The following ARHGEF6 variants were observed in gnomAD, a reference collection of about 807,000 sequenced individuals.
The protein encoded by ARHGEF6 is rho guanine nucleotide exchange factor 6.
A neutral mutation model predicts 70.3 loss-of-function variants in ARHGEF6; 9 were observed. The ratio of observed to expected loss-of-function variants is 0.13; its 90% CI spans 0.08 to 0.22. ARHGEF6 has a LOEUF of 0.22. Ranked by LOEUF, ARHGEF6 falls within the 10% of genes least tolerant of loss-of-function variation. The pLI is 1.00. For missense variants in ARHGEF6, 470 were observed against 563.0 expected, an observed-to-expected ratio of 0.83 and a Z score of 1.67; for synonymous variants, 201 against 207.8, an observed-to-expected ratio of 0.97 and a Z score of 0.28.
chrX:136,714,264 T>G (rs1462822126), intron 6 of ARHGEF6, among the ~76,000 whole-genome samples: 1 of 111,817 alleles, frequency 8.9e-6, no homozygotes, highest in Non-Finnish European at 1.9e-5. Flanking sequence ...CCTCTTCTAG[T>G]GACAGGTAAA....
intron 17 of ARHGEF6, 87 bp downstream of exon 17, chrX:136,677,849 C>A (rs1282100991): frequency 1.2e-6 from 1 of 813,190 alleles, no homozygotes; most frequent in Non-Finnish European, 1.8e-6. Context: ...AGGGACAAAA[C>A]AAGCATAAGG....
intron 6 of ARHGEF6, among the ~76,000 whole-genome samples, chrX:136,731,411 G>A (rs2076934425): frequency 8.9e-6 from 1 of 111,789 alleles, no homozygotes; most frequent in South Asian, 3.7e-4. Flanking sequence ...TACCAGACAG[G>A]GAAACTTAGA....
chrX:136,729,537 G>T lies in ARHGEF6; in HGVS notation c.732+2565C>A, dbSNP rs75001904. On this transcript the variant is annotated intron_variant, in intron 6 of 21. Coordinates refer to ENST00000250617, the MANE Select transcript of ARHGEF6 (RefSeq NM_004840.3). ...CAAGTATTATTGGGGTATAGGGATA[G>T]AAAATCTTTATGGGCCAGGCACAGT... 8.2e-3 allele frequency among the ~76,000 whole-genome samples: 796 copies of T among 97,648 alleles called. 17 individuals are homozygous for T. In the East Asian group the frequency reaches 0.094, roughly 12 times the overall value. 84.8% of individuals were successfully genotyped at this position (97,648 alleles called of 115,157 possible).
intron 2 of ARHGEF6, among the ~76,000 whole-genome samples, chrX:136,758,449 T>C (rs773871732): frequency 5.4e-5 from 6 of 110,855 alleles, no homozygotes; most frequent in Non-Finnish European, 9.4e-5. Flanking sequence ...GAGATCACTT[T>C]GGAGAAAATC....
intron 5 of ARHGEF6, 89 bp downstream of exon 5, chrX:136,743,496 T>C (rs2077065635): frequency 1.0e-6 from 1 of 958,617 alleles, no homozygotes; most frequent in Non-Finnish European, 1.5e-6. Context: ...ACAGCTTCTG[T>C]TAACCAATTA....
chrX:136,764,597 G>A (rs865866105), intron 2 of ARHGEF6, among the ~76,000 whole-genome samples: 8 of 111,027 alleles, frequency 7.2e-5, no homozygotes, highest in Non-Finnish European at 1.1e-4. Context: ...TATCTACTAC[G>A]ATAGTGGTGG....
intron 5 of ARHGEF6, among the ~76,000 whole-genome samples, chrX:136,740,594 A>G (rs1707078594): frequency 9.0e-6 from 1 of 111,137 alleles, no homozygotes; most frequent in Non-Finnish European, 1.9e-5. Flanking sequence ...TGAGTCCTAA[A>G]CCAGAGAGAA....
At chrX:136,711,777 T>C (rs2148621079) in intron 7 of ARHGEF6, among the ~76,000 whole-genome samples, 1 of 111,746 alleles carries the variant, frequency 8.9e-6, no homozygotes, top group Non-Finnish European at 1.9e-5. Context: ...CCCAGATTGG[T>C]CTTGAACTCC....
In ARHGEF6 at chrX:136,679,523, T is replaced by A; in HGVS notation, c.1830+12A>T. The A allele has an allele frequency of 8.3e-7, 1 of 1,210,550 alleles. No homozygotes were observed. ...TGTCAGAAGCATTTTATACCATAGGTAGCAAAATTACCTCTTTATAACCTA... is the reference window on the plus strand; with the variant it reads ...TGTCAGAAGCATTTTATACCATAGGAAGCAAAATTACCTCTTTATAACCTA... On this transcript the variant is annotated intron_variant, in intron 16 of 21. Transcript: ENST00000250617.
chrX:136,749,974 A>C (rs184481272), intron 2 of ARHGEF6, among the ~76,000 whole-genome samples: 11 of 112,185 alleles, frequency 9.8e-5, no homozygotes, highest in Admixed American at 9.4e-4. Flanking sequence ...CACTTCAGAG[A>C]GCTCCCCTAT....
At chrX:136,679,985 C>G (rs781004511) in intron 15 of ARHGEF6, among the ~76,000 whole-genome samples, 1 of 112,139 alleles carries the variant, frequency 8.9e-6, no homozygotes, top group Admixed American at 9.4e-5. Context: ...ATATGTTTGG[C>G]ACTCTAGTAG....
chrX:136,708,637 T>C, intron 8 of ARHGEF6, 38 bp downstream of exon 8: 2 of 1,102,899 alleles, frequency 1.8e-6, no homozygotes, highest in Non-Finnish European at 2.5e-6. Context: ...CAAACAGCAA[T>C]GTTGCTGGCT....
intron 16 of ARHGEF6, among the ~76,000 whole-genome samples, 188 bp downstream of exon 16, chrX:136,679,347 C>G (rs889765651): frequency 1.8e-5 from 2 of 112,184 alleles, no homozygotes; most frequent in Non-Finnish European, 3.8e-5. Flanking sequence ...ATATTCAGTA[C>G]ATATTTGCAG....
chrX:136,685,450 A>G (rs1168413668), intron 12 of ARHGEF6, among the ~76,000 whole-genome samples: 2 of 110,455 alleles, frequency 1.8e-5, no homozygotes, highest in African/African-American at 6.6e-5. Context: ...TTCTGATTTG[A>G]ATGTTGTAGC....
At chrX:136,713,206 A>G in intron 7 of ARHGEF6, 70 bp downstream of exon 7, 1 of 876,197 alleles carries the variant, frequency 1.1e-6, no homozygotes, top group Non-Finnish European at 1.7e-6. Flanking sequence ...TCAGTGACAT[A>G]AGAATAATGA....
intron 6 of ARHGEF6, among the ~76,000 whole-genome samples, chrX:136,729,658 T>C (rs374397404): frequency 1.9e-5 from 2 of 106,906 alleles, no homozygotes; most frequent in South Asian, 8.4e-4. Flanking sequence ...AGTGAAACCC[T>C]GCCTCTACTA....
chrX:136,689,381 T>C (rs1328916936), intron 10 of ARHGEF6, among the ~76,000 whole-genome samples: 1 of 112,237 alleles, frequency 8.9e-6, no homozygotes, highest in Non-Finnish European at 1.9e-5. Context: ...CAGGAGCATC[T>C]GGGATTTGTT....
At chrX:136,697,032 C>T (rs748195466) in intron 9 of ARHGEF6, among the ~76,000 whole-genome samples, 2 of 110,936 alleles carry the variant, frequency 1.8e-5, no homozygotes, top group Non-Finnish European at 3.8e-5. Context: ...ATCACCCTCA[C>T]CCCAGCCCAA....
chrX:136,683,263 C>G (rs1249013373), intron 12 of ARHGEF6, among the ~76,000 whole-genome samples: 1 of 111,883 alleles, frequency 8.9e-6, no homozygotes, highest in Non-Finnish European at 1.9e-5. Flanking sequence ...TTAGTATGCT[C>G]TAACATGTTT....
Sources: allele counts gnomAD v4.1 joint callset (sites outside exome capture counted in the v4.1 genomes callset), GRCh38; gene constraint gnomAD v4.1.1; transcripts MANE v1.5; gene names NCBI Gene and HGNC (gene_info 2026-07-23, HGNC 2026-07-21).